Variants in EPHA3 observed in about 807,000 individuals in gnomAD.
The protein encoded by EPHA3 is ephrin type-A receptor 3.
EPHA3 carries 42 observed loss-of-function variants against 107.1 expected under a neutral mutation model. The observed-to-expected ratio is 0.39, with a 90% CI of 0.31 to 0.51. The LOEUF is 0.51. Among genes scored for constraint, EPHA3 ranks in the 20% least tolerant of loss-of-function variants. The probability of loss-of-function intolerance (pLI) is 0.78; values close to 1 mark genes in which losing one functional copy is unlikely to be tolerated. For synonymous variants in EPHA3, 461 were observed against 424.8 expected, an observed-to-expected ratio of 1.09 and a Z score of -1.05; for missense variants, 1,183 against 1,211.2, an observed-to-expected ratio of 0.98 and a Z score of 0.35.
chr3:89,267,562 T>C (rs1705566286), intron 3 of EPHA3, among the ~76,000 whole-genome samples: 1 of 152,166 alleles, frequency 6.6e-6, no homozygotes, highest in African/African-American at 2.4e-5. Flanking sequence ...AAAGGGTGTT[T>C]CTAAATGAAC....
chr3:89,411,002 C>T (rs979439463), intron 9 of EPHA3, among the ~76,000 whole-genome samples: 7 of 151,716 alleles, frequency 4.6e-5, no homozygotes, highest in African/African-American at 1.2e-4. Context: ...AAGTAATGGA[C>T]ATTTCTAAGT....
intron 3 of EPHA3, among the ~76,000 whole-genome samples, chr3:89,282,716 G>A (rs1234322649): frequency 1.3e-5 from 2 of 152,074 alleles, no homozygotes; most frequent in African/African-American, 2.4e-5. Context: ...GTGAATAAAT[G>A]TGAAAAATGA....
At position 89,340,967 on chromosome 3, in the gene EPHA3, A is replaced by G. The variant is rs1559653607; in HGVS notation, c.866A>G (p.Lys289Arg). 6.2e-7 allele frequency: 1 copy of G among 1,614,160 alleles called. No homozygotes were observed. Among genetic ancestry groups the G allele is most frequent in the East Asian group, 2.2e-5 (1 of 44,878 alleles). Residue 289 changes from lysine to arginine, a missense_variant, in exon 4 of 17, where the codon AAG becomes AGG. Lys to Arg is a conservative substitution (Grantham distance 26). Transcript: ENST00000336596. ...TTGGATGGTAATATGAAGTGTGCTA[A>G]GTGCCCGCCTCACAGTTCTACTCAG... ...KALDGNMKCA[K>R]CPPHSSTQED... is the part of the protein sequence containing the mutation.
intron 1 of EPHA3, among the ~76,000 whole-genome samples, chr3:89,124,479 G>A (rs1004702397): frequency 2.0e-5 from 3 of 151,772 alleles, no homozygotes; most frequent in Non-Finnish European, 4.4e-5. Flanking sequence ...TTTTTATTTG[G>A]GTACAAACAA....
intron 2 of EPHA3, among the ~76,000 whole-genome samples, chr3:89,135,740 G>C (rs1704296594): frequency 2.1e-5 from 3 of 143,898 alleles, no homozygotes; most frequent in Non-Finnish European, 4.6e-5. Context: ...AATACAACTG[G>C]CTTGTGAACT....
At position 89,472,571 on chromosome 3, in the gene EPHA3, C is replaced by T. The variant is rs372594677; in HGVS notation, c.2798C>T (p.Thr933Met). 1.2e-5 allele frequency: 19 copies of T among 1,613,874 alleles called. No homozygotes were observed. Among genetic ancestry groups the T allele is most frequent in the Non-Finnish European group, 1.4e-5 (17 of 1,179,936 alleles). The change falls in exon 16 of 17, where the codon ACG becomes ATG. Residue 933 changes from threonine to methionine, a missense_variant. By Grantham distance (81) the Thr-to-Met change is moderately conservative (BLOSUM62 -1). Transcript: ENST00000336596. ...ACAGCACACTGCAAGGAAATCTTCA[C>T]GGGTGTGGAGTACAGTTCTTGTGAC... ...VWTAHCKEIFTGVEYSSCDTI... is the reference protein window; with the variant it reads ...VWTAHCKEIFMGVEYSSCDTI...
intron 2 of EPHA3, among the ~76,000 whole-genome samples, chr3:89,177,660 A>G (rs1441301217): frequency 6.6e-6 from 1 of 152,242 alleles, no homozygotes; most frequent in Non-Finnish European, 1.5e-5. Flanking sequence ...AATGTGAAGG[A>G]TAGCAAATCT....
intron 3 of EPHA3, among the ~76,000 whole-genome samples, chr3:89,269,866 A>G (rs1404776441): frequency 6.7e-6 from 1 of 149,462 alleles, no homozygotes; most frequent in Non-Finnish European, 1.5e-5. Flanking sequence ...AATGATTTTG[A>G]TGCATGCCCT....
intron 2 of EPHA3, among the ~76,000 whole-genome samples, chr3:89,203,260 GT>G (rs1189884294): frequency 1.9e-4 from 26 of 135,460 alleles, no homozygotes; most frequent in East Asian, 1.1e-3. Context: ...TGTTGTTGTT[GT>G]TTTTTTTTTA....
chr3:89,431,424 A>C, intron 13 of EPHA3, 65 bp downstream of exon 13: 1 of 1,390,180 alleles, frequency 7.2e-7, no homozygotes, highest in Non-Finnish European at 9.9e-7. Flanking sequence ...TTGATTTGTA[A>C]ATAAGTAGAA....
At chr3:89,168,555 C>T (rs771856724) in intron 2 of EPHA3, among the ~76,000 whole-genome samples, 1 of 151,994 alleles carries the variant, frequency 6.6e-6, no homozygotes, top group African/African-American at 2.4e-5. Flanking sequence ...AAAATAACTT[C>T]ATGGTAATTA....
At chr3:89,448,400 GTATGTTATT>G (rs1438695133) in intron 13 of EPHA3, among the ~76,000 whole-genome samples, 1 of 152,136 alleles carries the variant, frequency 6.6e-6, no homozygotes, top group African/African-American at 2.4e-5. Flanking sequence ...AAAAGAGCCA[GTATGTTATT>G]TATCAGTTTC....
In EPHA3 at chr3:89,121,448, A is replaced by T. The variant is rs1239277045; in HGVS notation, c.89-5761A>T. On this transcript the variant is annotated intron_variant, in intron 1 of 16. Coordinates refer to ENST00000336596, the MANE Select transcript of EPHA3 (RefSeq NM_005233.6). ...TTTATAATTTTTATCTGTGAAATAAAATACTAATTAAAGCTATTAAAGTAT... is the reference window on the plus strand; with the variant it reads ...TTTATAATTTTTATCTGTGAAATAATATACTAATTAAAGCTATTAAAGTAT... 2.0e-5 allele frequency among the ~76,000 whole-genome samples: 3 copies of T among 151,770 alleles called. No homozygotes were observed. In the East Asian group the frequency reaches 5.8e-4, roughly 30 times the overall value.
At chr3:89,229,666 C>T (rs1704583609) in intron 3 of EPHA3, among the ~76,000 whole-genome samples, 1 of 151,686 alleles carries the variant, frequency 6.6e-6, no homozygotes, top group Admixed American at 6.6e-5. Flanking sequence ...AGTTCAATTT[C>T]AATATTTGAT....
At position 89,445,134 on chromosome 3, in the gene EPHA3, C is replaced by T. The variant is rs562562360; in HGVS notation, c.2347-4091C>T. Among the ~76,000 whole-genome samples, 76 of 152,108 alleles carry T rather than the reference C, an allele frequency of 5.0e-4. 1 individual carries two copies. The East Asian group carries it at 9.7e-3, about 19-fold the overall frequency. ...TCCAAATATTAGCCAGGCTTGGTGG[C>T]GCACACCTCTAATCCCAGCTACTAA... On this transcript the variant is annotated intron_variant, in intron 13 of 16. Transcript: ENST00000336596.
intron 3 of EPHA3, among the ~76,000 whole-genome samples, chr3:89,228,899 GC>G (rs1704562810): frequency 6.6e-6 from 1 of 151,986 alleles, no homozygotes; most frequent in South Asian, 2.1e-4. Flanking sequence ...CAGTACATGA[GC>G]TTTTGTGGTT....
rs763655362 is a variant in EPHA3, at chr3:89,210,326, A to G, written c.620A>G (p.Lys207Arg). ...VYFKKCPFTV[K>R]NLAMFPDTVP... ...TTCAAAAAGTGCCCATTTACAGTGAAGAATCTGGCTATGTTTCCAGACACG... is the reference window on the plus strand; with the variant it reads ...TTCAAAAAGTGCCCATTTACAGTGAGGAATCTGGCTATGTTTCCAGACACG... Residue 207 changes from lysine to arginine, a missense_variant, in exon 3 of 17, where the codon AAG becomes AGG. Physicochemically the swap from Lys to Arg is conservative, Grantham distance 26 (BLOSUM62 2). Coordinates refer to ENST00000336596, the MANE Select transcript of EPHA3 (RefSeq NM_005233.6). The G allele has an allele frequency of 1.9e-6, 3 of 1,613,754 alleles. No homozygotes were observed. The highest frequency in any genetic ancestry group is 2.5e-6 in the Non-Finnish European group (3 of 1,179,850).
intron 1 of EPHA3, among the ~76,000 whole-genome samples, chr3:89,119,255 T>A (rs1707323500): frequency 6.6e-6 from 1 of 152,118 alleles, no homozygotes; most frequent in Non-Finnish European, 1.5e-5. Flanking sequence ...TGACTGAATA[T>A]CAAAATAGAA....
At chr3:89,337,361 G>A (rs1209974570) in intron 3 of EPHA3, among the ~76,000 whole-genome samples, 2 of 151,964 alleles carry the variant, frequency 1.3e-5, no homozygotes, top group East Asian at 1.9e-4. Flanking sequence ...TGTTATCTTG[G>A]GCATGCTGTC....
Sources: gnomAD v4.1 joint callset for allele counts (sites outside exome capture counted in the v4.1 genomes callset) on GRCh38, gnomAD v4.1.1 for gene constraint, MANE v1.5 for transcripts, NCBI Gene and HGNC (gene_info 2026-07-23, HGNC 2026-07-21) for gene names.